LDLRAD4: variants seen among roughly 807,000 people sequenced by gnomAD.
LDLRAD4 encodes low-density lipoprotein receptor class A domain-containing protein 4.
A neutral mutation model predicts 17.0 loss-of-function variants in LDLRAD4; 5 were observed. The observed-to-expected ratio is 0.29, with a 90% CI of 0.15 to 0.62. The LOEUF is 0.62. LDLRAD4 is among the 20% of genes least tolerant of loss of function. The pLI, the probability that LDLRAD4 is intolerant of heterozygous loss-of-function variation, is 0.84. For missense variants in LDLRAD4, 340 were observed against 424.7 expected (o/e 0.80, Z 1.75); for synonymous variants, 168 against 171.8 (o/e 0.98, Z 0.17).
At chr18:13,446,197 T>G (rs567013990) in intron 3 of LDLRAD4, among the ~76,000 whole-genome samples, 199 of 152,286 alleles carry the variant, frequency 1.3e-3, no homozygotes, top group Non-Finnish European at 2.4e-3. Context: ...GTCATAAGAA[T>G]GCAGCGCTCA....
chr18:13,565,582 A>T (rs1284332611), intron 3 of LDLRAD4, among the ~76,000 whole-genome samples: 1 of 152,216 alleles, frequency 6.6e-6, no homozygotes, highest in Non-Finnish European at 1.5e-5. Context: ...CTGTGGAACG[A>T]GCCAGCCCAG....
At chr18:13,289,420 T>G (rs2045839853) in intron 1 of LDLRAD4, among the ~76,000 whole-genome samples, 1 of 152,200 alleles carries the variant, frequency 6.6e-6, no homozygotes, top group South Asian at 2.1e-4. Flanking sequence ...GTTCAAGGAT[T>G]CATAAGTGTG....
chr18:13,218,330 G>A (rs1457019955), upstream of LDLRAD4, among the ~76,000 whole-genome samples: 2 of 152,210 alleles, frequency 1.3e-5, no homozygotes, highest in African/African-American at 4.8e-5. Context: ...TCCGGGGCTG[G>A]CCCGCGGGCG....
intron 3 of LDLRAD4, among the ~76,000 whole-genome samples, chr18:13,569,605 T>C (rs967450437): frequency 4.6e-5 from 7 of 152,190 alleles, no homozygotes; most frequent in Non-Finnish European, 1.0e-4. Flanking sequence ...CCCTTGGGGC[T>C]GGGCACAGTG....
At chr18:13,452,498 G>C (rs554154919) in intron 3 of LDLRAD4, among the ~76,000 whole-genome samples, 7 of 152,260 alleles carry the variant, frequency 4.6e-5, no homozygotes, top group Non-Finnish European at 1.0e-4. Context: ...CTAGAGAGTG[G>C]AGATGTGGAC....
At chr18:13,249,278 G>A (rs1422740110) in intron 1 of LDLRAD4, among the ~76,000 whole-genome samples, 3 of 152,194 alleles carry the variant, frequency 2.0e-5, no homozygotes, top group Non-Finnish European at 4.4e-5. Context: ...TAGCAGGACT[G>A]CTGGATCATA....
chr18:13,619,402 C>T (rs1220790251), intron 3 of LDLRAD4, among the ~76,000 whole-genome samples: 1 of 151,728 alleles, frequency 6.6e-6, no homozygotes, highest in African/African-American at 2.4e-5. Flanking sequence ...GGGCCCAAGC[C>T]CCTGCTCGAA....
intron 1 of LDLRAD4, among the ~76,000 whole-genome samples, chr18:13,387,011 C>T (rs879547016): frequency 6.6e-6 from 1 of 152,228 alleles, no homozygotes; most frequent in Non-Finnish European, 1.5e-5. Flanking sequence ...CCATGCAAGT[C>T]CTGCATTTTC....
At chr18:13,223,265 C>A (rs1356007190) in intron 1 of LDLRAD4, among the ~76,000 whole-genome samples, 1 of 152,136 alleles carries the variant, frequency 6.6e-6, no homozygotes, top group Non-Finnish European at 1.5e-5. Flanking sequence ...CTGCTCTGTT[C>A]CTAAAAGGAC....
At chr18:13,320,259 T>C (rs2081145478) in intron 1 of LDLRAD4, among the ~76,000 whole-genome samples, 1 of 152,238 alleles carries the variant, frequency 6.6e-6, no homozygotes, top group African/African-American at 2.4e-5. Flanking sequence ...GAATCCTGCT[T>C]TCAAGATTGC....
chr18:13,393,241 A>G (rs2086412520), intron 2 of LDLRAD4, among the ~76,000 whole-genome samples: 1 of 152,238 alleles, frequency 6.6e-6, no homozygotes, highest in Non-Finnish European at 1.5e-5. Flanking sequence ...CTGTTCCTCC[A>G]TAAAAGGAGT....
intron 1 of LDLRAD4, among the ~76,000 whole-genome samples, chr18:13,288,944 ATG>A (rs1371427591): frequency 6.6e-6 from 1 of 152,250 alleles, no homozygotes; most frequent in Non-Finnish European, 1.5e-5. Context: ...TAGGAAAGAA[ATG>A]AACAAGCACA....
At position 13,635,831 on chromosome 18, in the gene LDLRAD4, G is replaced by C. The variant is rs540205813; in HGVS notation, c.337-7528G>C. On this transcript the variant is annotated intron_variant, in intron 4 of 5. Transcript: ENST00000359446. ...TGGGTCTGGGCAGCCATGCTCTCCG[G>C]AGCTGCCCTTGGGGGCAACTTCCAG... Among the ~76,000 whole-genome samples the C allele has an allele frequency of 5.9e-5, 9 of 152,350 alleles. No individual in the cohort carries two copies. The East Asian group carries it at 1.7e-3, about 29-fold the overall frequency.
intron 3 of LDLRAD4, among the ~76,000 whole-genome samples, chr18:13,497,058 A>T (rs1025849527): frequency 6.6e-6 from 1 of 152,278 alleles, no homozygotes; most frequent in African/African-American, 2.4e-5. Flanking sequence ...ATGTTCAATT[A>T]ATTAGTAATT....
At chr18:13,318,169 T>C (rs2081029169) in intron 1 of LDLRAD4, among the ~76,000 whole-genome samples, 1 of 152,222 alleles carries the variant, frequency 6.6e-6, no homozygotes, top group African/African-American at 2.4e-5. Flanking sequence ...ACCGCTCACC[T>C]GGAGCTTCCG....
intron 3 of LDLRAD4, among the ~76,000 whole-genome samples, chr18:13,549,035 C>T (rs1451001462): frequency 6.6e-6 from 1 of 152,222 alleles, no homozygotes; most frequent in Admixed American, 6.5e-5. Flanking sequence ...CTTAGCCTAG[C>T]TGATTCTACA....
chr18:13,400,092 A>G (rs2087039517), intron 2 of LDLRAD4, among the ~76,000 whole-genome samples: 1 of 152,154 alleles, frequency 6.6e-6, no homozygotes, highest in Admixed American at 6.5e-5. Flanking sequence ...GCGGTTATTG[A>G]CTTTCATTGA....
chr18:13,449,709 T>C (rs188990034), intron 3 of LDLRAD4, among the ~76,000 whole-genome samples: 150 of 152,362 alleles, frequency 9.8e-4, no homozygotes, highest in African/African-American at 3.3e-3. Flanking sequence ...TGGGCATCTG[T>C]TATTTGCTTT....
chr18:13,513,522 A>G (rs985980110), intron 3 of LDLRAD4, among the ~76,000 whole-genome samples: 4 of 152,182 alleles, frequency 2.6e-5, no homozygotes, highest in Admixed American at 1.3e-4. Flanking sequence ...GGAGCTTCAG[A>G]TCTTCTTCTT....
Sources: gnomAD v4.1 joint callset for allele counts (sites outside exome capture counted in the v4.1 genomes callset) on GRCh38, gnomAD v4.1.1 for gene constraint, MANE v1.5 for transcripts, NCBI Gene and HGNC (gene_info 2026-07-23, HGNC 2026-07-21) for gene names.